Variants in PTPRT observed in about 807,000 individuals in gnomAD.
PTPRT encodes protein tyrosine phosphatase receptor type T.
In PTPRT, 56 loss-of-function variants were observed where a neutral mutation model predicts 176.8. That is an observed-to-expected ratio of 0.32 (90% CI 0.26 to 0.40). The LOEUF (loss-of-function observed/expected upper bound fraction) is 0.40. Ranked by LOEUF, PTPRT falls within the 10% of genes least tolerant of loss-of-function variation. PTPRT has a pLI of 1.00. For synonymous variants in PTPRT, 783 were observed against 739.0 expected (o/e 1.06, Z -0.96); for missense variants, 1,540 against 1,908.2 (o/e 0.81, Z 3.60).
chr20:42,755,059 T>C (rs984560585), intron 6 of PTPRT, among the ~76,000 whole-genome samples: 1 of 152,048 alleles, frequency 6.6e-6, no homozygotes, highest in African/African-American at 2.4e-5. Context: ...ATAAAAACTA[T>C]GTGGAAGAGG....
intron 9 of PTPRT, among the ~76,000 whole-genome samples, chr20:42,435,060 C>T (rs1369770781): frequency 1.3e-5 from 2 of 151,770 alleles, no homozygotes; most frequent in Non-Finnish European, 2.9e-5. Flanking sequence ...AAAGCACCAC[C>T]AAATTTGAGA....
chr20:42,522,024 A>T (rs1236166430), intron 7 of PTPRT, among the ~76,000 whole-genome samples: 1 of 151,950 alleles, frequency 6.6e-6, no homozygotes. Context: ...TTTCAGAAAA[A>T]GAAATAGTAC....
chr20:43,173,022 G>C (rs549552678), intron 1 of PTPRT, among the ~76,000 whole-genome samples: 1 of 151,978 alleles, frequency 6.6e-6, no homozygotes, highest in Admixed American at 6.6e-5. Flanking sequence ...ACAGGCATGC[G>C]CCACCAGACA....
chr20:42,332,317 C>A (rs2057977576), intron 11 of PTPRT, among the ~76,000 whole-genome samples: 1 of 152,156 alleles, frequency 6.6e-6, no homozygotes, highest in Non-Finnish European at 1.5e-5. Flanking sequence ...TCACGCCATT[C>A]TCCTGCCTCA....
chr20:42,554,024 G>C lies in PTPRT; in HGVS notation c.1154-81462C>G, dbSNP rs543371189. On this transcript the variant is annotated intron_variant, in intron 7 of 30. Transcript: ENST00000373187. The stretch of plus-strand genomic sequence containing the variant: ...AGAAAGTGGTAAAAGGAAAAGGCCT[G>C]GGTGTTCCTTGATCCTAGAGCACCT... 1.9e-3 allele frequency among the ~76,000 whole-genome samples: 291 copies of C among 152,204 alleles called. 1 individual carries two copies. Among genetic ancestry groups the C allele is most frequent in the African/African-American group, 6.3e-3 (263 of 41,518 alleles).
At chr20:43,032,647 G>C (rs1288934224) in intron 1 of PTPRT, among the ~76,000 whole-genome samples, 1 of 152,028 alleles carries the variant, frequency 6.6e-6, no homozygotes, top group East Asian at 1.9e-4. Context: ...AGGGGAATTG[G>C]AATCTCTTAT....
intron 1 of PTPRT, among the ~76,000 whole-genome samples, chr20:43,004,541 C>A (rs866857945): frequency 6.6e-6 from 1 of 152,142 alleles, no homozygotes; most frequent in East Asian, 1.9e-4. Flanking sequence ...GAAATAAACA[C>A]CTTCATACAT....
intron 1 of PTPRT, among the ~76,000 whole-genome samples, chr20:42,895,052 T>A (rs1479238056): frequency 1.3e-5 from 2 of 152,244 alleles, no homozygotes. Flanking sequence ...GTCAAAGCAG[T>A]TATTTTTTAA....
chr20:42,735,746 G>C (rs1370699931), intron 6 of PTPRT, among the ~76,000 whole-genome samples: 2 of 151,834 alleles, frequency 1.3e-5, no homozygotes, highest in African/African-American at 4.8e-5. Flanking sequence ...ACATGGCTGG[G>C]AGCCAGCCCT....
At chr20:42,559,313 C>T (rs1316394107) in intron 7 of PTPRT, among the ~76,000 whole-genome samples, 1 of 152,108 alleles carries the variant, frequency 6.6e-6, no homozygotes, top group African/African-American at 2.4e-5. Context: ...TTTGTGGCCC[C>T]AGAGACCATA....
chr20:42,065,984 ATTGAAGTATT>A, the PTPRT span, among the ~76,000 whole-genome samples: 1 of 149,402 alleles, frequency 6.7e-6, no homozygotes, highest in Non-Finnish European at 1.5e-5. Context: ...GCTTCCTCAT[ATTGAAGTATT>A]TTTGAATTCT....
At chr20:42,188,612 T>A (rs1467419117) in intron 16 of PTPRT, among the ~76,000 whole-genome samples, 1 of 152,196 alleles carries the variant, frequency 6.6e-6, no homozygotes, top group African/African-American at 2.4e-5. Context: ...AGTCTGTAGC[T>A]TTGAGCAGAG....
At chr20:43,103,138 C>A (rs2012461138) in intron 1 of PTPRT, among the ~76,000 whole-genome samples, 3 of 152,032 alleles carry the variant, frequency 2.0e-5, no homozygotes, top group African/African-American at 4.8e-5. Context: ...ATGCACCTGC[C>A]CCCAGATGTT....
chr20:42,169,068 A>G (rs1009139589), intron 16 of PTPRT, among the ~76,000 whole-genome samples: 6 of 152,218 alleles, frequency 3.9e-5, no homozygotes, highest in Non-Finnish European at 8.8e-5. Flanking sequence ...CAATGGCCTG[A>G]AGAACAGAAA....
chr20:43,025,465 G>A (rs879624767), intron 1 of PTPRT, among the ~76,000 whole-genome samples: 1 of 152,160 alleles, frequency 6.6e-6, no homozygotes, highest in Admixed American at 6.5e-5. Context: ...ATAAATGGAA[G>A]GACCCTGAGG....
Position 42,151,126 on chromosome 20 carries a change from A to AT in PTPRT, c.2683-9125dup, listed in dbSNP as rs11468504. 2.4e-3 allele frequency among the ~76,000 whole-genome samples: 346 copies of AT among 143,908 alleles called. 1 individual carries two copies. The highest frequency in any genetic ancestry group is 5.0e-3 in the East Asian group (24 of 4,774). The allele number at this position is 143,908 out of a possible 152,430, so 94.4% of individuals were successfully genotyped here. ...CCATCTTCAGTCAAAAACATCAAGG[A>AT]TTTTTTTTTTTTTTTTAATTTTACT... On this transcript the variant is annotated intron_variant, in intron 17 of 30. Coordinates refer to ENST00000373187, the MANE Select transcript of PTPRT (RefSeq NM_007050.6).
chr20:43,029,186 C>T (rs1035413478), intron 1 of PTPRT, among the ~76,000 whole-genome samples: 1 of 152,234 alleles, frequency 6.6e-6, no homozygotes, highest in African/African-American at 2.4e-5. Context: ...TTTAAAAGGG[C>T]ATTTTTCAAA....
chr20:42,859,547 T>C (rs554553554), intron 2 of PTPRT, among the ~76,000 whole-genome samples: 1 of 152,172 alleles, frequency 6.6e-6, no homozygotes, highest in African/African-American at 2.4e-5. Context: ...GCACATATAA[T>C]GCACATATCT....
intron 9 of PTPRT, among the ~76,000 whole-genome samples, chr20:42,427,257 T>C (rs11696790): frequency 0.12 from 18,445 of 152,206 alleles, 1,132 homozygotes; most frequent in African/African-American, 0.15. Context: ...AGAAGTACCA[T>C]GGGAGTTAAA....
Sources: gnomAD v4.1 joint callset for allele counts (sites outside exome capture counted in the v4.1 genomes callset) on GRCh38, gnomAD v4.1.1 for gene constraint, MANE v1.5 for transcripts, NCBI Gene and HGNC (gene_info 2026-07-23, HGNC 2026-07-21) for gene names.